Variants in SMYD3 observed in about 807,000 individuals in gnomAD.
SMYD3 encodes histone-lysine N-methyltransferase SMYD3.
SMYD3 carries 36 observed loss-of-function variants against 57.7 expected under a neutral mutation model. The observed-to-expected ratio is 0.62, with a 90% CI of 0.48 to 0.82. The LOEUF (loss-of-function observed/expected upper bound fraction) is 0.82. Ranked by LOEUF, SMYD3 falls within the 40% of genes least tolerant of loss-of-function variation. The pLI, the probability that SMYD3 is intolerant of heterozygous loss-of-function variation, is 0.00. For missense variants in SMYD3, 515 were observed against 538.8 expected, an observed-to-expected ratio of 0.96 and a Z score of 0.44; for synonymous variants, 211 against 195.0, an observed-to-expected ratio of 1.08 and a Z score of -0.68.
intron 1 of SMYD3, among the ~76,000 whole-genome samples, chr1:246,421,744 A>G (rs1173017876): frequency 6.6e-6 from 1 of 152,244 alleles, no homozygotes; most frequent in Non-Finnish European, 1.5e-5. Flanking sequence ...CTGCTCAGGG[A>G]GAGGGAAGCT....
At chr1:246,105,635 C>T (rs554909721) in intron 5 of SMYD3, among the ~76,000 whole-genome samples, 4 of 152,250 alleles carry the variant, frequency 2.6e-5, no homozygotes, top group East Asian at 1.9e-4. Context: ...ACACAGACAA[C>T]GGATTTATTG....
chr1:246,345,798 G>C (rs543033187), intron 2 of SMYD3, among the ~76,000 whole-genome samples: 3 of 152,216 alleles, frequency 2.0e-5, no homozygotes, highest in Admixed American at 6.5e-5. Flanking sequence ...CCTCTGTCTG[G>C]CCCTAACACC....
At chr1:245,827,947 G>A (rs1056020836) in intron 10 of SMYD3, among the ~76,000 whole-genome samples, 2 of 152,196 alleles carry the variant, frequency 1.3e-5, no homozygotes. Flanking sequence ...GCAGCACAGA[G>A]TTGTGCCCTA....
intron 5 of SMYD3, among the ~76,000 whole-genome samples, chr1:246,291,076 AAAAC>A (rs2064680347): frequency 6.6e-6 from 1 of 152,222 alleles, no homozygotes; most frequent in Non-Finnish European, 1.5e-5. Context: ...AGTCTTGATA[AAAAC>A]AAAGCAAAGA....
intron 3 of SMYD3, among the ~76,000 whole-genome samples, chr1:246,334,070 AAC>A (rs1553334832): frequency 1.3e-5 from 2 of 152,104 alleles, no homozygotes; most frequent in African/African-American, 2.4e-5. Context: ...ATAAAAAAAA[AAC>A]ACATGCTGGT....
intron 1 of SMYD3, among the ~76,000 whole-genome samples, chr1:246,497,761 G>C (rs2068386327): frequency 6.6e-6 from 1 of 152,056 alleles, no homozygotes; most frequent in Non-Finnish European, 1.5e-5. Flanking sequence ...GAAAATTCTG[G>C]AGGCTGAGGA....
chr1:246,066,623 A>T (rs1036169917), intron 5 of SMYD3, among the ~76,000 whole-genome samples: 4 of 152,224 alleles, frequency 2.6e-5, no homozygotes, highest in African/African-American at 9.6e-5. Context: ...GAAATGTAGA[A>T]GCAAATACTT....
chr1:246,402,015 C>G (rs148810747), intron 1 of SMYD3, among the ~76,000 whole-genome samples: 11,519 of 152,280 alleles, frequency 0.076, 489 homozygotes, highest in Middle Eastern at 0.2. Context: ...GGCCGCCGTG[C>G]CTGGCCTCAA....
intron 1 of SMYD3, among the ~76,000 whole-genome samples, chr1:246,484,256 ATCACT>A (rs886440099): frequency 1.9e-5 from 1 of 53,198 alleles, no homozygotes; most frequent in Non-Finnish European, 3.1e-5. Context: ...CTAAAAACAC[ATCACT>A]TCAACCAAAA....
chr1:246,450,664 G>A (rs1344659383), intron 1 of SMYD3, among the ~76,000 whole-genome samples: 3 of 152,104 alleles, frequency 2.0e-5, no homozygotes, highest in Non-Finnish European at 2.9e-5. Context: ...AATCATATTC[G>A]ACACTGAATC....
At chr1:245,894,276 AGC>A in intron 8 of SMYD3, among the ~76,000 whole-genome samples, 1 of 120 alleles carries the variant, frequency 8.3e-3, no homozygotes, top group South Asian at 0.17. Flanking sequence ...TGGACCAATC[AGC>A]ACCCTGTAAA....
chr1:245,842,378 C>T (rs1027034852), intron 10 of SMYD3, among the ~76,000 whole-genome samples: 2 of 152,100 alleles, frequency 1.3e-5, no homozygotes, highest in African/African-American at 4.8e-5. Flanking sequence ...GATTTTCGGC[C>T]AACTGACCTG....
intron 1 of SMYD3, among the ~76,000 whole-genome samples, chr1:246,478,329 A>G (rs927085582): frequency 7.9e-5 from 12 of 152,262 alleles, no homozygotes; most frequent in Non-Finnish European, 1.8e-4. Context: ...GCACTGGTCT[A>G]TGCACACATA....
At chr1:246,354,202 G>A (rs2065875684) in intron 2 of SMYD3, among the ~76,000 whole-genome samples, 2 of 152,138 alleles carry the variant, frequency 1.3e-5, no homozygotes, top group Non-Finnish European at 2.9e-5. Flanking sequence ...CTTTTAATAA[G>A]ATGTAACTCA....
chr1:245,869,306 C>T (rs796726837), intron 8 of SMYD3, among the ~76,000 whole-genome samples: 70 of 152,300 alleles, frequency 4.6e-4, no homozygotes, highest in African/African-American at 1.5e-3. Flanking sequence ...GGGAAATGAT[C>T]GAGAGAATGA....
intron 8 of SMYD3, among the ~76,000 whole-genome samples, chr1:245,898,819 TG>T (rs1392880315): frequency 2.0e-5 from 3 of 152,224 alleles, no homozygotes; most frequent in Non-Finnish European, 4.4e-5. Flanking sequence ...GCTATGTTCT[TG>T]CCACAAACTT....
intron 1 of SMYD3, among the ~76,000 whole-genome samples, chr1:246,397,912 TAAA>T (rs11284190): frequency 3.0e-5 from 4 of 132,218 alleles, no homozygotes; most frequent in Non-Finnish European, 4.8e-5. Context: ...GGTTGAGTCA[TAAA>T]AAAAAAAAAA....
At chr1:246,430,371 G>C (rs1231840298) in intron 1 of SMYD3, among the ~76,000 whole-genome samples, 1 of 152,226 alleles carries the variant, frequency 6.6e-6, no homozygotes, top group African/African-American at 2.4e-5. Flanking sequence ...AGGAAGGCAA[G>C]AAGCAAGAGT....
At chr1:245,887,626 G>A (rs2053161010) in intron 8 of SMYD3, among the ~76,000 whole-genome samples, 2 of 152,126 alleles carry the variant, frequency 1.3e-5, no homozygotes, top group Non-Finnish European at 2.9e-5. Context: ...TCAGGTCAAT[G>A]TCTCCTGTGA....
Sources: gnomAD v4.1 joint callset for allele counts (sites outside exome capture counted in the v4.1 genomes callset) on GRCh38, gnomAD v4.1.1 for gene constraint, MANE v1.5 for transcripts, NCBI Gene and HGNC (gene_info 2026-07-23, HGNC 2026-07-21) for gene names.